Variants in KYNU observed in about 807,000 individuals in gnomAD.
KYNU encodes kynureninase.
In KYNU, 54 loss-of-function variants were observed where a neutral mutation model predicts 59.2. That is an observed-to-expected ratio of 0.91 (90% CI 0.73 to 1.14). The LOEUF is 1.14. KYNU is among the 50% of genes most tolerant of loss of function. The pLI, the probability that KYNU is intolerant of heterozygous loss-of-function variation, is 0.00. For synonymous variants in KYNU, 177 were observed against 192.0 expected (o/e 0.92, Z 0.65); for missense variants, 567 against 554.4 (o/e 1.02, Z -0.23).
intron 8 of KYNU, among the ~76,000 whole-genome samples, chr2:142,966,737 C>T (rs1298068520): frequency 2.6e-5 from 4 of 152,010 alleles, no homozygotes; most frequent in Non-Finnish European, 5.9e-5. Flanking sequence ...AATAATCGTG[C>T]CAACTTCACA....
chr2:143,005,231 C>T (rs960021303), intron 10 of KYNU, among the ~76,000 whole-genome samples: 1 of 152,114 alleles, frequency 6.6e-6, no homozygotes, highest in Non-Finnish European at 1.5e-5. Context: ...AATCCTTCCC[C>T]CAGGCACTGT....
intron 11 of KYNU, among the ~76,000 whole-genome samples, chr2:143,032,201 C>T (rs1324607371): frequency 1.3e-5 from 2 of 152,072 alleles, no homozygotes; most frequent in Non-Finnish European, 2.9e-5. Flanking sequence ...TGGCGTGAAC[C>T]CGTGAGGCGG....
At chr2:142,960,591 G>A (rs757990527) in intron 7 of KYNU, 33 bp from the exon 8 acceptor site, 12 of 1,591,050 alleles carry the variant, frequency 7.5e-6, no homozygotes, top group South Asian at 6.6e-5. Flanking sequence ...TATTATTATC[G>A]ATATGACCTA....
At chr2:142,941,550 C>T (rs1683600760) in intron 4 of KYNU, among the ~76,000 whole-genome samples, 1 of 152,170 alleles carries the variant, frequency 6.6e-6, no homozygotes. Flanking sequence ...AGCCTCAAAC[C>T]TTATATGACA....
chr2:142,957,567 T>G, intron 6 of KYNU, 74 bp from the exon 7 acceptor site: 1 of 930,428 alleles, frequency 1.1e-6, no homozygotes, highest in Non-Finnish European at 1.8e-6. Context: ...TTATTTTTAC[T>G]TTATTATTTG....
At chr2:142,883,355 C>T (rs986677782) in intron 1 of KYNU, among the ~76,000 whole-genome samples, 4 of 151,538 alleles carry the variant, frequency 2.6e-5, no homozygotes, top group South Asian at 2.1e-4. Context: ...CCACCTCGCA[C>T]GGCTAATTTT....
rs1213395369 is a variant in KYNU at position 143,049,225 on chromosome 2, A to G, written c.*7053A>G. ...TGCATTCTTAAGAATTCTAAAACATATATTTTAGTTTCTAAAAGTTTCATT... is the reference window on the plus strand; with the variant it reads ...TGCATTCTTAAGAATTCTAAAACATGTATTTTAGTTTCTAAAAGTTTCATT... On this transcript the variant is annotated 3_prime_UTR_variant, in exon 14 of 14. Coordinates refer to ENST00000264170, the MANE Select transcript of KYNU (RefSeq NM_003937.3). 4 of 152,164 alleles carry G rather than the reference A, an allele frequency of 2.6e-5. No individual in the cohort carries two copies. The highest frequency in any genetic ancestry group is 7.2e-5 in the African/African-American group (3 of 41,450). 9.4% of individuals were successfully genotyped at this position (152,164 alleles called of 1,614,324 possible).
intron 10 of KYNU, chr2:142,988,932 C>T: frequency 6.6e-7 from 1 of 1,525,926 alleles, no homozygotes; most frequent in Non-Finnish European, 9.1e-7. Context: ...CTTCATTGTC[C>T]CTGATAGGAA....
At chr2:143,020,530 A>G (rs1686374053) in intron 10 of KYNU, among the ~76,000 whole-genome samples, 1 of 152,126 alleles carries the variant, frequency 6.6e-6, no homozygotes, top group Admixed American at 6.5e-5. Context: ...GTTGTTGAGA[A>G]TTGTTTGTGG....
chr2:142,935,580 G>T (rs901595894), intron 4 of KYNU, among the ~76,000 whole-genome samples: 1 of 152,162 alleles, frequency 6.6e-6, no homozygotes, highest in African/African-American at 2.4e-5. Flanking sequence ...ACTGGGTAAG[G>T]TACTGAAACT....
At chr2:142,908,622 T>C (rs1460977570) in intron 2 of KYNU, among the ~76,000 whole-genome samples, 2 of 146,904 alleles carry the variant, frequency 1.4e-5, no homozygotes, top group Non-Finnish European at 3.0e-5. Flanking sequence ...TAAGTCCTAA[T>C]AAAATATGAA....
intron 2 of KYNU, among the ~76,000 whole-genome samples, chr2:142,909,661 C>G (rs994108047): frequency 6.6e-6 from 1 of 152,140 alleles, no homozygotes; most frequent in Non-Finnish European, 1.5e-5. Flanking sequence ...TGTAGTATTT[C>G]TTGGTGTATT....
At chr2:143,013,340 C>T (rs900009218) in intron 10 of KYNU, among the ~76,000 whole-genome samples, 4 of 141,188 alleles carry the variant, frequency 2.8e-5, no homozygotes, top group Admixed American at 2.8e-4. Flanking sequence ...TTCTTTTCCA[C>T]TCATCTGTTG....
chr2:142,950,069 C>G (rs1683937114), intron 4 of KYNU, among the ~76,000 whole-genome samples: 1 of 152,214 alleles, frequency 6.6e-6, no homozygotes, highest in African/African-American at 2.4e-5. Context: ...ACAAGAGTCA[C>G]CTTTGCTCCA....
At chr2:142,947,534 A>C (rs567717682) in intron 4 of KYNU, 6 of 197,800 alleles carry the variant, frequency 3.0e-5, no homozygotes, top group African/African-American at 1.1e-4. Context: ...AATGGGCCCA[A>C]AACTTTGGAA....
At chr2:142,983,738 AT>A (rs1310437940) in intron 8 of KYNU, among the ~76,000 whole-genome samples, 1 of 152,094 alleles carries the variant, frequency 6.6e-6, no homozygotes, top group Non-Finnish European at 1.5e-5. Context: ...AAATTTTAAA[AT>A]GTATTTATTT....
intron 10 of KYNU, among the ~76,000 whole-genome samples, chr2:143,010,057 C>A (rs1027429165): frequency 4.9e-5 from 7 of 142,634 alleles, no homozygotes; most frequent in Non-Finnish European, 1.1e-4. Flanking sequence ...GAAGTTCTGG[C>A]CAGGGCAGTT....
At chr2:143,019,065 G>T (rs1225548011) in intron 10 of KYNU, among the ~76,000 whole-genome samples, 5 of 151,932 alleles carry the variant, frequency 3.3e-5, no homozygotes, top group Non-Finnish European at 5.9e-5. Context: ...GGATATAGAA[G>T]TGTATCATCA....
chr2:143,012,357 C>T (rs1272638564), intron 10 of KYNU, among the ~76,000 whole-genome samples: 1 of 151,906 alleles, frequency 6.6e-6, no homozygotes, highest in Admixed American at 6.6e-5. Flanking sequence ...GTGGTGCATG[C>T]CTGTAATCCC....
Sources: gnomAD v4.1 joint callset for allele counts (sites outside exome capture counted in the v4.1 genomes callset) on GRCh38, gnomAD v4.1.1 for gene constraint, MANE v1.5 for transcripts, NCBI Gene and HGNC (gene_info 2026-07-23, HGNC 2026-07-21) for gene names.